The following MSRB3 variants were observed in gnomAD, a reference collection of about 807,000 sequenced individuals.
MSRB3 encodes methionine sulfoxide reductase B3.
MSRB3 carries 13 observed loss-of-function variants against 21.0 expected under a neutral mutation model. The observed-to-expected ratio is 0.62, with a 90% CI of 0.40 to 0.98. The LOEUF is 0.98. Ranked by LOEUF, MSRB3 falls within the 50% of genes least tolerant of loss-of-function variation. The pLI is 0.00. For synonymous variants in MSRB3, 87 were observed against 88.6 expected, an observed-to-expected ratio of 0.98 and a Z score of 0.10; for missense variants, 199 against 230.3, an observed-to-expected ratio of 0.86 and a Z score of 0.88.
intron 5 of MSRB3, among the ~76,000 whole-genome samples, chr12:65,437,414 C>G (rs1017511668): frequency 6.6e-6 from 1 of 151,894 alleles, no homozygotes; most frequent in Admixed American, 6.6e-5. Flanking sequence ...TCCTCTTATT[C>G]TCTCAGCAAG....
At chr12:65,443,621 T>A (rs1217383881) in intron 5 of MSRB3, among the ~76,000 whole-genome samples, 1 of 152,154 alleles carries the variant, frequency 6.6e-6, no homozygotes, top group East Asian at 1.9e-4. Flanking sequence ...GCTCACTGAT[T>A]CAGTTCCCGG....
intron 5 of MSRB3, among the ~76,000 whole-genome samples, chr12:65,410,156 T>C (rs924883220): frequency 6.6e-6 from 1 of 152,226 alleles, no homozygotes; most frequent in Non-Finnish European, 1.5e-5. Context: ...ATTGCCAGTT[T>C]ATGTCATTTG....
intron 4 of MSRB3, among the ~76,000 whole-genome samples, chr12:65,331,385 G>A (rs1875406471): frequency 6.6e-6 from 1 of 152,134 alleles, no homozygotes; most frequent in African/African-American, 2.4e-5. Flanking sequence ...AACTGAGATA[G>A]ATAGCCCTAG....
intron 4 of MSRB3, among the ~76,000 whole-genome samples, chr12:65,351,194 A>G (rs1876960488): frequency 6.6e-6 from 1 of 151,774 alleles, no homozygotes; most frequent in Admixed American, 6.6e-5. Flanking sequence ...AAACTGAACA[A>G]CCTGCTCCTG....
chr12:65,436,280 T>C (rs1683090774), intron 5 of MSRB3, among the ~76,000 whole-genome samples: 2 of 151,936 alleles, frequency 1.3e-5, no homozygotes, highest in African/African-American at 4.8e-5. Context: ...CATAATACAG[T>C]CATCACAGAT....
At chr12:65,308,952 A>G in intron 2 of MSRB3, 1 of 438,046 alleles carries the variant, frequency 2.3e-6, no homozygotes, top group Non-Finnish European at 4.2e-6. Flanking sequence ...TAACGTTCAT[A>G]AGAGGCTGGC....
At chr12:65,440,344 T>G (rs1882314665) in intron 5 of MSRB3, among the ~76,000 whole-genome samples, 1 of 151,760 alleles carries the variant, frequency 6.6e-6, no homozygotes, top group Non-Finnish European at 1.5e-5. Flanking sequence ...TCAAATACAG[T>G]AACAATAGAT....
chr12:65,317,635 C>T (rs141028649), intron 2 of MSRB3, among the ~76,000 whole-genome samples: 134 of 152,066 alleles, frequency 8.8e-4, no homozygotes, highest in African/African-American at 3.0e-3. Flanking sequence ...GTCTTAAATC[C>T]AGAGAATTAA....
intron 4 of MSRB3, among the ~76,000 whole-genome samples, chr12:65,358,236 A>G (rs1277614755): frequency 6.6e-6 from 1 of 151,464 alleles, no homozygotes; most frequent in Non-Finnish European, 1.5e-5. Flanking sequence ...TTCCACCTCA[A>G]CCCCCCGAGT....
At chr12:65,306,932 G>C (rs940481894) in intron 1 of MSRB3, 3 of 985,738 alleles carry the variant, frequency 3.0e-6, no homozygotes, top group Non-Finnish European at 3.6e-6. Context: ...TGGTTGGTAG[G>C]CGCCCAGGCT....
rs74739283 is a variant in MSRB3, at chr12:65,427,211, G to A, written c.293-26517G>A. 5.3e-3 allele frequency among the ~76,000 whole-genome samples: 800 copies of A among 152,206 alleles called. 11 individuals carry two copies. The highest frequency in any genetic ancestry group is 0.019 in the African/African-American group (774 of 41,504). ...GCTGTGGAAAGTCCTTCTTTTATTG[G>A]GGGCTTCCAGGGAACTTGCTGGGTG... On this transcript the variant is annotated intron_variant, in intron 5 of 6. Transcript: ENST00000308259.
intron 5 of MSRB3, among the ~76,000 whole-genome samples, chr12:65,453,369 A>G (rs1374877595): frequency 6.6e-6 from 1 of 152,186 alleles, no homozygotes; most frequent in African/African-American, 2.4e-5. Context: ...ATCGTAATGG[A>G]AGATTCATAG....
intron 2 of MSRB3, among the ~76,000 whole-genome samples, chr12:65,315,274 A>G (rs956417512): frequency 2.0e-5 from 3 of 152,220 alleles, no homozygotes; most frequent in Admixed American, 2.0e-4. Context: ...TGAAAATTTT[A>G]AATCCTTATT....
chr12:65,391,520 G>A (rs1329702692), intron 5 of MSRB3, among the ~76,000 whole-genome samples: 1 of 152,114 alleles, frequency 6.6e-6, no homozygotes, highest in Non-Finnish European at 1.5e-5. Context: ...CTTATTATGT[G>A]GGTCCCCTGG....
intron 1 of MSRB3, among the ~76,000 whole-genome samples, chr12:65,299,389 C>T (rs1873176408): frequency 6.6e-6 from 1 of 152,196 alleles, no homozygotes; most frequent in African/African-American, 2.4e-5. Flanking sequence ...GCCTCATGAC[C>T]TGTTAGGTTT....
chr12:65,403,177 G>T (rs761100139), intron 5 of MSRB3, among the ~76,000 whole-genome samples: 1 of 152,204 alleles, frequency 6.6e-6, no homozygotes, highest in Non-Finnish European at 1.5e-5. Flanking sequence ...AGGCAGGAAC[G>T]TTTAAGTCTG....
chr12:65,353,793 G>A (rs888216646), intron 4 of MSRB3, among the ~76,000 whole-genome samples: 2 of 152,058 alleles, frequency 1.3e-5, no homozygotes, highest in Admixed American at 1.3e-4. Context: ...GATTTTGCTC[G>A]TTAGTTGATG....
At chr12:65,309,614 G>A (rs1429171803) in intron 2 of MSRB3, among the ~76,000 whole-genome samples, 1 of 152,206 alleles carries the variant, frequency 6.6e-6, no homozygotes, top group Non-Finnish European at 1.5e-5. Context: ...TTCAGAGGAG[G>A]TTGTTCCTAG....
intron 1 of MSRB3, chr12:65,285,969 G>A (rs1872320052): frequency 6.6e-6 from 1 of 152,182 alleles, no homozygotes; most frequent in African/African-American, 2.4e-5. Flanking sequence ...ACAGTATATA[G>A]TATTGAGTAA....
Sources: allele counts gnomAD v4.1 joint callset (sites outside exome capture counted in the v4.1 genomes callset), GRCh38; gene constraint gnomAD v4.1.1; transcripts MANE v1.5; gene names NCBI Gene and HGNC (gene_info 2026-07-23, HGNC 2026-07-21).